Variants in SHISA9 observed in about 807,000 individuals in gnomAD.
The protein encoded by SHISA9 is protein shisa-9.
In SHISA9, 13 loss-of-function variants were observed where a neutral mutation model predicts 38.0. That is an observed-to-expected ratio of 0.34 (90% confidence interval 0.22 to 0.54). The LOEUF (loss-of-function observed/expected upper bound fraction) is 0.54. SHISA9 is among the 20% of genes least tolerant of loss of function. The pLI is 0.91. For synonymous variants in SHISA9, 275 were observed against 242.0 expected (o/e 1.14, Z -1.27); for missense variants, 538 against 575.8 (o/e 0.93, Z 0.67).
At chr16:13,136,530 C>G (rs1364330590) in intron 2 of SHISA9, among the ~76,000 whole-genome samples, 1 of 151,720 alleles carries the variant, frequency 6.6e-6, no homozygotes, top group Non-Finnish European at 1.5e-5. Flanking sequence ...TCCTGACTAG[C>G]TGGGATTACA....
chr16:13,523,859 G>A, the SHISA9 span, among the ~76,000 whole-genome samples: 1 of 152,190 alleles, frequency 6.6e-6, no homozygotes, highest in African/African-American at 2.4e-5. Context: ...GTAGCAGATG[G>A]CGAACGATTT....
intron 4 of SHISA9, among the ~76,000 whole-genome samples, chr16:13,229,244 A>G (rs1042932998): frequency 6.6e-6 from 1 of 152,238 alleles, no homozygotes; most frequent in African/African-American, 2.4e-5. Context: ...GTCATACCTC[A>G]TCTTGGAACG....
the SHISA9 span, among the ~76,000 whole-genome samples, chr16:13,380,204 A>G: frequency 3.9e-5 from 6 of 152,158 alleles, no homozygotes; most frequent in Non-Finnish European, 8.8e-5. Context: ...ATTATCAAAG[A>G]AAAAATAAAA....
intron 2 of SHISA9, among the ~76,000 whole-genome samples, chr16:12,945,966 G>T: frequency 6.6e-6 from 1 of 152,316 alleles, no homozygotes; most frequent in East Asian, 1.9e-4. Context: ...AAATTAGCCG[G>T]ATGTGGTGGT....
intron 2 of SHISA9, among the ~76,000 whole-genome samples, chr16:12,943,988 A>G (rs1313672566): frequency 2.0e-5 from 3 of 152,080 alleles, no homozygotes; most frequent in East Asian, 1.9e-4. Context: ...GGGTCAGACA[A>G]TTCTTTGTTG....
chr16:13,328,710 C>A, the SHISA9 span, among the ~76,000 whole-genome samples: 1 of 151,918 alleles, frequency 6.6e-6, no homozygotes, highest in East Asian at 1.9e-4. Flanking sequence ...TGACCTCGGG[C>A]GATCCACCCG....
chr16:13,068,967 G>T (rs2073469718), intron 2 of SHISA9, among the ~76,000 whole-genome samples: 1 of 152,038 alleles, frequency 6.6e-6, no homozygotes, highest in Non-Finnish European at 1.5e-5. Context: ...ACATATGCAT[G>T]TATGTATATA....
the SHISA9 span, among the ~76,000 whole-genome samples, chr16:13,500,699 G>A: frequency 1.3e-5 from 2 of 152,162 alleles, no homozygotes; most frequent in African/African-American, 4.8e-5. Flanking sequence ...TGTAACTACT[G>A]GTGTCTTAAA....
At chr16:13,446,476 C>G in the SHISA9 span, among the ~76,000 whole-genome samples, 86 of 152,116 alleles carry the variant, frequency 5.7e-4, no homozygotes, top group Non-Finnish European at 1.1e-3. Context: ...TTCAGTGAGG[C>G]CAATAAAGCA....
chr16:13,400,088 A>T, the SHISA9 span, among the ~76,000 whole-genome samples: 7 of 152,196 alleles, frequency 4.6e-5, no homozygotes, highest in Admixed American at 2.0e-4. Context: ...TTTACAGTCC[A>T]TGGAAACATT....
At chr16:13,262,608 A>C in the SHISA9 span, among the ~76,000 whole-genome samples, 1,609 of 141,256 alleles carry the variant, frequency 0.011, 41 homozygotes, top group African/African-American at 0.04. Flanking sequence ...CCGGTGAGTA[A>C]GTTCTCAAAA....
chr16:13,170,534 C>G (rs1474161851), intron 2 of SHISA9, among the ~76,000 whole-genome samples: 1 of 152,214 alleles, frequency 6.6e-6, no homozygotes, highest in African/African-American at 2.4e-5. Context: ...CTAATGGACA[C>G]TGGGCTTAAT....
chr16:13,127,989 A>G (rs762594928), intron 2 of SHISA9, among the ~76,000 whole-genome samples: 10 of 152,216 alleles, frequency 6.6e-5, no homozygotes, highest in Admixed American at 1.3e-4. Context: ...CTCTGGCTCA[A>G]TAGGCCCACG....
At chr16:13,352,284 C>T in the SHISA9 span, among the ~76,000 whole-genome samples, 1 of 152,126 alleles carries the variant, frequency 6.6e-6, no homozygotes, top group African/African-American at 2.4e-5. Flanking sequence ...TAAAAATTAG[C>T]AAAAACAGTT....
chr16:13,169,263 G>A (rs1239316565), intron 2 of SHISA9, among the ~76,000 whole-genome samples: 2 of 152,348 alleles, frequency 1.3e-5, no homozygotes, highest in Non-Finnish European at 2.9e-5. Context: ...TAGTGAATAA[G>A]CAGTTGATTA....
chr16:13,212,725 C>T (rs1412057334), intron 3 of SHISA9, among the ~76,000 whole-genome samples: 1 of 152,102 alleles, frequency 6.6e-6, no homozygotes, highest in African/African-American at 2.4e-5. Flanking sequence ...GTAAGGTAGC[C>T]CCCACCCCAT....
chr16:13,175,311 T>C (rs1015569528), intron 2 of SHISA9, among the ~76,000 whole-genome samples: 1 of 152,072 alleles, frequency 6.6e-6, no homozygotes, highest in African/African-American at 2.4e-5. Context: ...ATCGCTCAAG[T>C]CCAGGAGTTC....
chr16:13,057,616 C>T (rs1190528569), intron 2 of SHISA9, among the ~76,000 whole-genome samples: 1 of 152,142 alleles, frequency 6.6e-6, no homozygotes, highest in Non-Finnish European at 1.5e-5. Flanking sequence ...AGTTTGAGAA[C>T]TGCTTGCTCT....
chr16:13,169,667 C>T (rs192508100), intron 2 of SHISA9, among the ~76,000 whole-genome samples: 4 of 152,188 alleles, frequency 2.6e-5, no homozygotes, highest in Non-Finnish European at 5.9e-5. Context: ...CTTTGGATTT[C>T]TTAAACAATT....
Sources: allele counts gnomAD v4.1 joint callset (sites outside exome capture counted in the v4.1 genomes callset), GRCh38; gene constraint gnomAD v4.1.1; transcripts MANE v1.5; gene names NCBI Gene and HGNC (gene_info 2026-07-23, HGNC 2026-07-21).